The following RGS7BP variants were observed in gnomAD, a reference collection of about 807,000 sequenced individuals.
RGS7BP encodes the protein regulator of G protein signaling 7-binding protein.
Under a neutral mutation model 31.3 loss-of-function variants are expected in RGS7BP, and 9 were observed. The observed-to-expected ratio is 0.29, with a 90% CI of 0.17 to 0.50. The LOEUF (loss-of-function observed/expected upper bound fraction) is 0.50, where lower values mean the gene tolerates loss of function less well. RGS7BP is among the 20% of genes least tolerant of loss of function. RGS7BP has a pLI of 0.98. For missense variants in RGS7BP, 274 were observed against 322.0 expected (o/e 0.85, Z 1.14); for synonymous variants, 115 against 120.1 (o/e 0.96, Z 0.28).
Position 64,609,028 on chromosome 5 carries a change from C to G in RGS7BP, c.683-133C>G, listed in dbSNP as rs1743436373. On this transcript the variant is annotated intron_variant, in intron 5 of 5. Transcript: ENST00000334025. ...ACAGTACCCCACAACCAAGAATCAT[C>G]TGGTCCAAAATGCCAACAGTGCTGA... The G allele has an allele frequency of 5.7e-5, 38 of 664,484 alleles. No homozygotes were observed. The South Asian group carries it at 6.5e-4, about 11-fold the overall frequency. 41.2% of individuals were successfully genotyped at this position (664,484 alleles called of 1,614,324 possible).
intron 5 of RGS7BP, among the ~76,000 whole-genome samples, chr5:64,608,520 G>A (rs545881067): frequency 1.6e-4 from 24 of 152,016 alleles, no homozygotes; most frequent in Non-Finnish European, 3.1e-4. Context: ...GAATGAAGGT[G>A]TGATAATGAT....
At chr5:64,556,344 GAAAT>G in intron 2 of RGS7BP, among the ~76,000 whole-genome samples, 1 of 54,942 alleles carries the variant, frequency 1.8e-5, no homozygotes, top group South Asian at 5.6e-4. Context: ...ATTTAAAGTG[GAAAT>G]GATTTAAAGT....
At chr5:64,604,734 G>A (rs1743310118) in intron 5 of RGS7BP, among the ~76,000 whole-genome samples, 1 of 151,992 alleles carries the variant, frequency 6.6e-6, no homozygotes, top group African/African-American at 2.4e-5. Context: ...TTTTTTCCCT[G>A]GAATAGATAT....
intron 2 of RGS7BP, among the ~76,000 whole-genome samples, chr5:64,560,540 A>T: frequency 9.5e-6 from 1 of 105,658 alleles, no homozygotes; most frequent in African/African-American, 4.0e-5. Flanking sequence ...AGTTAATATC[A>T]TTGTATATAT....
intron 3 of RGS7BP, among the ~76,000 whole-genome samples, chr5:64,580,005 C>T (rs544218189): frequency 6.6e-6 from 1 of 152,264 alleles, no homozygotes; most frequent in East Asian, 1.9e-4. Context: ...GTAGAGCAAC[C>T]TGTCTGCCCA....
intron 2 of RGS7BP, among the ~76,000 whole-genome samples, chr5:64,558,560 A>C (rs190725561): frequency 6.6e-6 from 1 of 152,150 alleles, no homozygotes. Flanking sequence ...TAACTGCACA[A>C]ATTTTTCGTA....
chr5:64,594,616 G>A, intron 3 of RGS7BP, 94 bp from the exon 4 acceptor site: 2 of 1,225,888 alleles, frequency 1.6e-6, no homozygotes, highest in Non-Finnish European at 2.4e-6. Flanking sequence ...TTGACTCAAA[G>A]CATAGCCAAC....
chr5:64,598,273 C>T (rs192242123), intron 4 of RGS7BP, 92 bp from the exon 5 acceptor site: 1 of 767,480 alleles, frequency 1.3e-6, no homozygotes, highest in East Asian at 2.5e-5. Flanking sequence ...GACACAGACC[C>T]TCATCTTTCA....
intron 2 of RGS7BP, among the ~76,000 whole-genome samples, chr5:64,512,868 A>AT (rs1452873947): frequency 1.5e-5 from 2 of 131,640 alleles, no homozygotes; most frequent in African/African-American, 3.3e-5. Flanking sequence ...TAAGTTTAGA[A>AT]ATTTTTTACA....
intron 2 of RGS7BP, among the ~76,000 whole-genome samples, chr5:64,521,106 T>C (rs1210009975): frequency 3.3e-5 from 5 of 152,186 alleles, no homozygotes; most frequent in Admixed American, 3.3e-4. Context: ...TGACTGATTG[T>C]TAGGGCTTCA....
In RGS7BP at chr5:64,525,588, G is replaced by A. The variant is rs78984429; in HGVS notation, c.332+17711G>A. ...TTAATCCTTTCTAACACCTCTATGT[G>A]CTGGGAATTATTATCCCTGTTTTAC... On this transcript the variant is annotated intron_variant, in intron 2 of 5. Coordinates refer to ENST00000334025, the MANE Select transcript of RGS7BP (RefSeq NM_001029875.3). Among the ~76,000 whole-genome samples the A allele has an allele frequency of 6.5e-3, 993 of 152,272 alleles. 10 individuals carry two copies. Among genetic ancestry groups the A allele is most frequent in the African/African-American group, 0.023 (968 of 41,532 alleles).
intron 2 of RGS7BP, among the ~76,000 whole-genome samples, chr5:64,553,544 A>T (rs1741848588): frequency 6.6e-6 from 1 of 151,266 alleles, no homozygotes; most frequent in Non-Finnish European, 1.5e-5. Flanking sequence ...TTTTTTTCAA[A>T]ATGTCAGCCA....
Position 64,506,997 on chromosome 5 carries a change from G to A in RGS7BP, c.165+208G>A, listed in dbSNP as rs946470721. 1.3e-5 allele frequency among the ~76,000 whole-genome samples: 2 copies of A among 152,150 alleles called. No individual in the cohort carries two copies. The highest frequency in any genetic ancestry group is 4.8e-5 in the African/African-American group (2 of 41,432). ...TCGTAATAACCCTGCAGAAAGAAGT[G>A]TGACAGCAAGGGTCTTGGGGATCAG... On this transcript the variant is annotated intron_variant, in intron 1 of 5. Transcript: ENST00000334025. This position sits in a 1 kb window ranked among gnomAD's most constrained non-coding sequence, Gnocchi z 4.6.
intron 2 of RGS7BP, among the ~76,000 whole-genome samples, chr5:64,556,327 TGAAA>T (rs1741920950): frequency 6.9e-6 from 1 of 144,080 alleles, no homozygotes; most frequent in Non-Finnish European, 1.5e-5. Flanking sequence ...CCACAGTGGT[TGAAA>T]TGATTTAAAG....
intron 2 of RGS7BP, among the ~76,000 whole-genome samples, chr5:64,518,601 G>C (rs1046836333): frequency 1.3e-5 from 2 of 152,152 alleles, no homozygotes; most frequent in African/African-American, 4.8e-5. Flanking sequence ...AAAAGCATTT[G>C]AGGCAGCAAC....
chr5:64,530,880 A>G (rs1749354037), intron 2 of RGS7BP, among the ~76,000 whole-genome samples: 1 of 152,152 alleles, frequency 6.6e-6, no homozygotes, highest in Non-Finnish European at 1.5e-5. Context: ...TGGGGAAACA[A>G]GAGAAAAGGG....
At chr5:64,577,814 A>G (rs73092871) in intron 3 of RGS7BP, among the ~76,000 whole-genome samples, 5,275 of 152,200 alleles carry the variant, frequency 0.035, 276 homozygotes, top group African/African-American at 0.12. Flanking sequence ...CATTCTTTTT[A>G]GTGACCGAGT....
At chr5:64,555,031 A>G (rs988753525) in intron 2 of RGS7BP, among the ~76,000 whole-genome samples, 1 of 152,148 alleles carries the variant, frequency 6.6e-6, no homozygotes, top group Non-Finnish European at 1.5e-5. Context: ...AAAGGGATTA[A>G]GAAGACATGA....
At chr5:64,581,648 G>A (rs1742600459) in intron 3 of RGS7BP, among the ~76,000 whole-genome samples, 1 of 152,192 alleles carries the variant, frequency 6.6e-6, no homozygotes, top group East Asian at 1.9e-4. Flanking sequence ...ATCTCCTGCA[G>A]TGAACTTGAA....
Sources: gnomAD v4.1 joint callset for allele counts (sites outside exome capture counted in the v4.1 genomes callset) on GRCh38, gnomAD v4.1.1 for gene constraint, Gnocchi (gnomAD v3.1) non-coding constraint, MANE v1.5 for transcripts, NCBI Gene and HGNC (gene_info 2026-07-23, HGNC 2026-07-21) for gene names.